CDKAL1: variants seen among roughly 807,000 people sequenced by gnomAD.
CDKAL1 encodes the protein CDKAL1 threonylcarbamoyladenosine tRNA methylthiotransferase.
Under a neutral mutation model 68.2 loss-of-function variants are expected in CDKAL1, and 32 were observed. That is an observed-to-expected ratio of 0.47 (90% CI 0.35 to 0.63). The LOEUF (loss-of-function observed/expected upper bound fraction) is 0.63, where lower values mean the gene tolerates loss of function less well. Ranked by LOEUF, CDKAL1 falls within the 30% of genes least tolerant of loss-of-function variation. The pLI is 0.00. For synonymous variants in CDKAL1, 234 were observed against 244.3 expected (o/e 0.96, Z 0.39); for missense variants, 606 against 696.7 (o/e 0.87, Z 1.47).
intron 5 of CDKAL1, chr6:20,722,545 T>C: frequency 3.1e-6 from 1 of 324,564 alleles, no homozygotes. Context: ...TAATGCTGCT[T>C]ACCCTGGGCA....
intron 12 of CDKAL1, among the ~76,000 whole-genome samples, chr6:21,072,328 C>T (rs1771821626): frequency 6.6e-6 from 1 of 152,006 alleles, no homozygotes; most frequent in African/African-American, 2.4e-5. Context: ...GGAGCTTGAT[C>T]TCTCACTTCC....
intron 9 of CDKAL1, among the ~76,000 whole-genome samples, chr6:20,869,818 TA>T (rs1328973890): frequency 6.6e-6 from 1 of 152,194 alleles, no homozygotes; most frequent in African/African-American, 2.4e-5. Flanking sequence ...TATATTCATA[TA>T]ACACAAATAG....
intron 4 of CDKAL1, among the ~76,000 whole-genome samples, chr6:20,630,772 C>G (rs544450930): frequency 6.6e-6 from 1 of 152,274 alleles, no homozygotes; most frequent in African/African-American, 2.4e-5. Context: ...CATCCTGGCA[C>G]TGCCTTCTGG....
Position 20,739,509 on chromosome 6 carries a change from A to G in CDKAL1, c.372-10A>G. The G allele has an allele frequency of 1.3e-6, 2 of 1,580,038 alleles. No homozygotes were observed. The highest frequency in any genetic ancestry group is 1.7e-6 in the Non-Finnish European group (2 of 1,151,814). The stretch of plus-strand genomic sequence containing the variant: ...AAGGAATTCACATTGTCTTCTCTTC[A>G]ATCTTTTAGAAAAGCTCAAGAGGAG... On this transcript the variant is annotated splice_polypyrimidine_tract_variant and intron_variant, in intron 5 of 15. Transcript: ENST00000274695.
At chr6:20,777,779 G>GT (rs948786663) in intron 7 of CDKAL1, among the ~76,000 whole-genome samples, 16 of 152,138 alleles carry the variant, frequency 1.1e-4, no homozygotes, top group African/African-American at 3.6e-4. Flanking sequence ...TATGTACCAT[G>GT]TTTTTTCCCA....
chr6:20,974,127 T>A (rs1765728586), intron 10 of CDKAL1, among the ~76,000 whole-genome samples: 1 of 152,198 alleles, frequency 6.6e-6, no homozygotes, highest in African/African-American at 2.4e-5. Context: ...GGATTTGCTG[T>A]CTTCAGTGTG....
At chr6:21,024,031 AAT>A (rs1441446389) in intron 11 of CDKAL1, among the ~76,000 whole-genome samples, 1 of 152,072 alleles carries the variant, frequency 6.6e-6, no homozygotes, top group Non-Finnish European at 1.5e-5. Flanking sequence ...TTTGTAAATA[AAT>A]ATATGATAGA....
chr6:20,780,119 A>AAAAAAAAAAAAAAAAAAG (rs1561771085), intron 7 of CDKAL1, among the ~76,000 whole-genome samples: 2 of 147,476 alleles, frequency 1.4e-5, no homozygotes, highest in African/African-American at 5.0e-5. Flanking sequence ...AAAAAAAAAA[A>AAAAAAAAAAAAAAAAAAG]AGACAAAATG....
chr6:21,188,310 T>C (rs1288692656), intron 13 of CDKAL1, among the ~76,000 whole-genome samples: 1 of 152,244 alleles, frequency 6.6e-6, no homozygotes, highest in Non-Finnish European at 1.5e-5. Flanking sequence ...TAATAATTTA[T>C]ATTTCCTCCA....
chr6:21,202,798 C>G (rs1407472313), intron 15 of CDKAL1, among the ~76,000 whole-genome samples: 1 of 152,104 alleles, frequency 6.6e-6, no homozygotes, highest in East Asian at 1.9e-4. Context: ...AGGGCAGTTC[C>G]GTTTAAATTC....
At chr6:20,732,188 G>C (rs1362431486) in intron 5 of CDKAL1, among the ~76,000 whole-genome samples, 1 of 151,348 alleles carries the variant, frequency 6.6e-6, no homozygotes, top group Non-Finnish European at 1.5e-5. Flanking sequence ...TGGGACTACA[G>C]GTGTGTACCA....
intron 11 of CDKAL1, among the ~76,000 whole-genome samples, chr6:21,057,704 A>T (rs567715930): frequency 6.6e-6 from 1 of 152,248 alleles, no homozygotes; most frequent in East Asian, 1.9e-4. Flanking sequence ...AGATTCTGGC[A>T]TGCTGTCTCT....
At chr6:21,085,154 C>T (rs1185168507) in intron 12 of CDKAL1, among the ~76,000 whole-genome samples, 1 of 152,170 alleles carries the variant, frequency 6.6e-6, no homozygotes, top group Non-Finnish European at 1.5e-5. Flanking sequence ...GTGCATCTCA[C>T]TAGTGTGTAG....
intron 13 of CDKAL1, among the ~76,000 whole-genome samples, chr6:21,155,030 T>C (rs1776584357): frequency 6.7e-6 from 1 of 148,822 alleles, no homozygotes; most frequent in Admixed American, 6.7e-5. Context: ...GTGATGACAT[T>C]AAGAATGTAA....
At chr6:20,582,037 A>G (rs746885283) in intron 4 of CDKAL1, among the ~76,000 whole-genome samples, 4 of 152,168 alleles carry the variant, frequency 2.6e-5, no homozygotes, top group Non-Finnish European at 4.4e-5. Context: ...TTCATAATTG[A>G]TATTTGAGGA....
intron 8 of CDKAL1, among the ~76,000 whole-genome samples, chr6:20,802,822 A>G (rs994054748): frequency 6.6e-6 from 1 of 152,220 alleles, no homozygotes; most frequent in Non-Finnish European, 1.5e-5. Flanking sequence ...TGGGGCTTAG[A>G]CATCTTAAAT....
At chr6:20,628,599 G>A (rs1767534436) in intron 4 of CDKAL1, among the ~76,000 whole-genome samples, 1 of 151,750 alleles carries the variant, frequency 6.6e-6, no homozygotes, top group African/African-American at 2.4e-5. Context: ...TACTTTGTCA[G>A]TATCTTTGTC....
In CDKAL1 at chr6:20,758,577, GT is replaced by G. The variant is rs34291318; in HGVS notation, c.469-5del. 0.15 allele frequency: 181,246 copies of G among 1,232,694 alleles called. 2,438 individuals are homozygous for G. Among genetic ancestry groups the G allele is most frequent in the East Asian group, 0.34 (13,059 of 38,010 alleles). The allele number at this position is 1,232,694 out of a possible 1,614,324, so 76.4% of individuals were successfully genotyped here. ...CTTCGTGTAAATTACTTGTGTAATC[GT>G]TTTTTTTTTTTTCCAGGTTCAGCAG... is the stretch of plus-strand genomic sequence containing the variant. On this transcript the variant is annotated splice_polypyrimidine_tract_variant and intron_variant, in intron 6 of 15. Transcript: ENST00000274695.
At chr6:20,558,260 ATTCT>A (rs1353480019) in intron 4 of CDKAL1, among the ~76,000 whole-genome samples, 3 of 152,204 alleles carry the variant, frequency 2.0e-5, no homozygotes, top group East Asian at 3.8e-4. Context: ...ACCGAGCTGT[ATTCT>A]TTCTATCAGC....
Sources: gnomAD v4.1 joint callset for allele counts (sites outside exome capture counted in the v4.1 genomes callset) on GRCh38, gnomAD v4.1.1 for gene constraint, MANE v1.5 for transcripts, NCBI Gene and HGNC (gene_info 2026-07-23, HGNC 2026-07-21) for gene names.